TNFSF18: variants seen among roughly 807,000 people sequenced by gnomAD.
TNFSF18 encodes tumor necrosis factor ligand superfamily member 18.
TNFSF18 carries 6 observed loss-of-function variants against 9.6 expected under a neutral mutation model. The observed-to-expected ratio is 0.63, with a 90% CI of 0.34 to 1.24. TNFSF18 has a LOEUF of 1.24. Ranked by LOEUF, TNFSF18 falls within the 50% of genes most tolerant of loss-of-function variation. The probability of loss-of-function intolerance (pLI) is 0.03; values close to 1 mark genes in which losing one functional copy is unlikely to be tolerated. For missense variants in TNFSF18, 210 were observed against 201.0 expected (o/e 1.04, Z -0.27); for synonymous variants, 68 against 71.7 (o/e 0.95, Z 0.26).
intron 1 of TNFSF18, 134 bp downstream of exon 1, chr1:173,050,607 T>C: frequency 1.5e-6 from 1 of 649,824 alleles, no homozygotes; most frequent in Non-Finnish European, 2.7e-6. Flanking sequence ...ATTAGAATTG[T>C]ATTTACATTA....
At chr1:173,049,758 C>T (rs1665139482) in intron 1 of TNFSF18, among the ~76,000 whole-genome samples, 2 of 152,172 alleles carry the variant, frequency 1.3e-5, no homozygotes, top group Admixed American at 6.5e-5. Context: ...ACTTTATTCT[C>T]CCCAAAACTT....
Position 173,041,193 on chromosome 1 carries a change from C to T in TNFSF18, c.*174G>A. On this transcript the variant is annotated 3_prime_UTR_variant, in exon 3 of 3. Coordinates refer to ENST00000404377, the MANE Select transcript of TNFSF18 (RefSeq NM_005092.4). Reference sequence around the variant, plus strand: ...ATCCAACCAAAAGTCTTTGGCTCTTCCCCTGAGTCTCTTTCAGATAGGCAT... The same window carrying T: ...ATCCAACCAAAAGTCTTTGGCTCTTTCCCTGAGTCTCTTTCAGATAGGCAT... The T allele has an allele frequency of 1.8e-6, 1 of 559,470 alleles. No homozygotes were observed. The highest frequency in any genetic ancestry group is 3.1e-5 in the South Asian group (1 of 32,554). 34.7% of individuals were successfully genotyped at this position (559,470 alleles called of 1,614,324 possible).
intron 1 of TNFSF18, among the ~76,000 whole-genome samples, chr1:173,047,062 T>G (rs1665097039): frequency 2.0e-5 from 3 of 152,082 alleles, no homozygotes; most frequent in African/African-American, 7.2e-5. Flanking sequence ...CCAGCTATTT[T>G]TTTTGTATTT....
At chr1:173,041,813 T>TAAATAA in intron 2 of TNFSF18, 100 bp from the exon 3 acceptor site, 1 of 1,046,210 alleles carries the variant, frequency 9.6e-7, no homozygotes, top group Non-Finnish European at 1.3e-6. Context: ...ATACATGTTG[T>TAAATAA]TTCTTTACCT....
chr1:173,043,488 G>A lies in TNFSF18; in HGVS notation c.187+451C>T, dbSNP rs1458366974. Among the ~76,000 whole-genome samples, 12 of 152,280 alleles carry A rather than the reference G, an allele frequency of 7.9e-5. No homozygotes were observed. In the East Asian group the frequency reaches 1.9e-3, roughly 24 times the overall value. On this transcript the variant is annotated intron_variant, in intron 2 of 2. Transcript: ENST00000404377. ...CTTAGAAGAGAAAATAGTAGAGGAA[G>A]TGGCCACTTTTCCAACTCTCATTGC...
At chr1:173,049,446 A>G (rs59032373) in intron 1 of TNFSF18, among the ~76,000 whole-genome samples, 2,956 of 152,298 alleles carry the variant, frequency 0.019, 86 homozygotes, top group African/African-American at 0.062. Flanking sequence ...CAGAAAGTTC[A>G]CACTTCTGCT....
At chr1:173,049,094 A>G (rs1665127169) in intron 1 of TNFSF18, among the ~76,000 whole-genome samples, 1 of 152,180 alleles carries the variant, frequency 6.6e-6, no homozygotes, top group South Asian at 2.1e-4. Context: ...GATCTAGGAG[A>G]GAGAAACCAG....
chr1:173,041,809 G>A (rs1418973262), intron 2 of TNFSF18, 96 bp from the exon 3 acceptor site: 2 of 1,001,712 alleles, frequency 2.0e-6, no homozygotes, highest in African/African-American at 3.9e-5. Flanking sequence ...CCACATACAT[G>A]TTGTTTCTTT....
At chr1:173,046,883 G>T (rs75446542) in intron 1 of TNFSF18, among the ~76,000 whole-genome samples, 7,257 of 113,016 alleles carry the variant, frequency 0.064, 371 homozygotes, top group East Asian at 0.26. Context: ...GTTTTTTTTT[G>T]TTGTTGTTGT....
intron 2 of TNFSF18, among the ~76,000 whole-genome samples, chr1:173,042,481 T>C (rs1665009062): frequency 6.6e-6 from 1 of 152,154 alleles, no homozygotes; most frequent in Non-Finnish European, 1.5e-5. Context: ...GTATATATCA[T>C]TTAAGACCTA....
chr1:173,050,257 A>C (rs1197748569), intron 1 of TNFSF18, among the ~76,000 whole-genome samples: 1 of 152,148 alleles, frequency 6.6e-6, no homozygotes, highest in East Asian at 1.9e-4. Context: ...CCAGAACCAG[A>C]ATCCAGATCT....
chr1:173,040,279 C>G lies in TNFSF18; in HGVS notation c.*1088G>C, dbSNP rs1664969350. ...AGATCTGTTGTAGCTTCACTCTGCT[C>G]ACCTTGGGCTAAAGGGGAATATGCT... On this transcript the variant is annotated 3_prime_UTR_variant, in exon 3 of 3. Coordinates refer to ENST00000404377, the MANE Select transcript of TNFSF18 (RefSeq NM_005092.4). The G allele has an allele frequency of 6.6e-6, 1 of 151,870 alleles. No individual in the cohort carries two copies. The allele number at this position is 151,870 out of a possible 1,614,324, so 9.4% of individuals were successfully genotyped here.
intron 2 of TNFSF18, among the ~76,000 whole-genome samples, chr1:173,042,609 G>A (rs905481632): frequency 1.3e-5 from 2 of 151,988 alleles, no homozygotes; most frequent in Non-Finnish European, 2.9e-5. Context: ...TGTCCCAAAT[G>A]GTAAAGAAAA....
intron 1 of TNFSF18, 63 bp from the exon 2 acceptor site, chr1:173,044,032 G>T (rs12405785): frequency 0.011 from 16,307 of 1,443,886 alleles, 576 homozygotes; most frequent in Admixed American, 0.086. Flanking sequence ...TTTTTTGATT[G>T]ATTTATTTAG....
chr1:173,039,828 A>C lies in TNFSF18; in HGVS notation c.*1539T>G, dbSNP rs1296666066. ...CAAATGCAACAGAAACAAGCTCTCCAAGTCTTTGGCCCTGTAGCTACTCAG... is the reference window on the plus strand; with the variant it reads ...CAAATGCAACAGAAACAAGCTCTCCCAGTCTTTGGCCCTGTAGCTACTCAG... On this transcript the variant is annotated 3_prime_UTR_variant, in exon 3 of 3. Coordinates refer to ENST00000404377, the MANE Select transcript of TNFSF18 (RefSeq NM_005092.4). 6.6e-6 allele frequency: 1 copy of C among 151,960 alleles called. No homozygotes were observed. Among genetic ancestry groups the C allele is most frequent in the Non-Finnish European group, 1.5e-5 (1 of 68,000 alleles). The allele number at this position is 151,960 out of a possible 1,614,324, so 9.4% of individuals were successfully genotyped here.
chr1:173,043,094 C>T (rs1209813501), intron 2 of TNFSF18, among the ~76,000 whole-genome samples: 2 of 152,122 alleles, frequency 1.3e-5, no homozygotes, highest in East Asian at 3.9e-4. Context: ...ACTTGAGTTT[C>T]TCAACTTTTA....
chr1:173,045,674 TGA>T (rs1665070371), intron 1 of TNFSF18, among the ~76,000 whole-genome samples: 1 of 152,060 alleles, frequency 6.6e-6, no homozygotes, highest in African/African-American at 2.4e-5. Context: ...CGTTTTAATG[TGA>T]GAGAAATGAC....
At chr1:173,047,567 T>C (rs367594030) in intron 1 of TNFSF18, among the ~76,000 whole-genome samples, 3 of 152,310 alleles carry the variant, frequency 2.0e-5, no homozygotes, top group East Asian at 3.9e-4. Flanking sequence ...TTTATAATCT[T>C]TCTAGAAAGA....
intron 2 of TNFSF18, 122 bp downstream of exon 2, chr1:173,043,817 A>C: frequency 1.0e-6 from 1 of 962,724 alleles, no homozygotes; most frequent in Non-Finnish European, 1.7e-6. Context: ...CATGATAAGT[A>C]ATTATACATA....
Sources: allele counts gnomAD v4.1 joint callset (sites outside exome capture counted in the v4.1 genomes callset), GRCh38; gene constraint gnomAD v4.1.1; transcripts MANE v1.5; gene names NCBI Gene and HGNC (gene_info 2026-07-23, HGNC 2026-07-21).